SERGEF: variants seen among roughly 807,000 people sequenced by gnomAD.
SERGEF encodes the protein secretion-regulating guanine nucleotide exchange factor.
SERGEF carries 51 observed loss-of-function variants against 50.0 expected under a neutral mutation model. The ratio of observed to expected loss-of-function variants is 1.02; its 90% CI spans 0.81 to 1.29. SERGEF has a LOEUF of 1.29. Among genes scored for constraint, SERGEF ranks in the 50% most tolerant of loss-of-function variants. The pLI, the probability that SERGEF is intolerant of heterozygous loss-of-function variation, is 0.00. For missense variants in SERGEF, 521 were observed against 557.0 expected, an observed-to-expected ratio of 0.94 and a Z score of 0.65; for synonymous variants, 205 against 212.4, an observed-to-expected ratio of 0.97 and a Z score of 0.30.
chr11:17,954,667 T>A (rs1338488180), intron 9 of SERGEF, among the ~76,000 whole-genome samples: 2 of 152,250 alleles, frequency 1.3e-5, no homozygotes, highest in African/African-American at 4.8e-5. Context: ...CCACATTTCC[T>A]GCTCCTGCTC....
chr11:17,922,599 T>C lies in SERGEF; in HGVS notation c.1011+36871A>G, dbSNP rs369703803. Among the ~76,000 whole-genome samples the C allele has an allele frequency of 6.6e-5, 10 of 152,120 alleles. No homozygotes were observed. The East Asian group carries it at 1.9e-3, about 29-fold the overall frequency. On this transcript the variant is annotated intron_variant, in intron 9 of 10. Transcript: ENST00000265965. ...TGGCGTACTATGTGGTACTCAGGAG[T>C]TTACTCAATTGTCTCCACTGGGGGT...
intron 9 of SERGEF, among the ~76,000 whole-genome samples, chr11:17,933,333 T>A (rs538416072): frequency 6.6e-6 from 1 of 152,192 alleles, no homozygotes; most frequent in East Asian, 1.9e-4. Context: ...CTAGTCCTCA[T>A]TGATCTTATT....
At chr11:17,805,758 T>C (rs1166057767) in intron 10 of SERGEF, among the ~76,000 whole-genome samples, 1 of 152,210 alleles carries the variant, frequency 6.6e-6, no homozygotes, top group African/African-American at 2.4e-5. Context: ...CTTCCTGCTC[T>C]CCTGTGTGTG....
chr11:17,851,196 G>A (rs1207675884), intron 10 of SERGEF, among the ~76,000 whole-genome samples: 2 of 152,102 alleles, frequency 1.3e-5, no homozygotes, highest in Non-Finnish European at 2.9e-5. Flanking sequence ...TTACAGTCCT[G>A]TGAGACGGGT....
At chr11:17,876,441 C>A (rs73426256) in intron 10 of SERGEF, among the ~76,000 whole-genome samples, 2 of 152,190 alleles carry the variant, frequency 1.3e-5, no homozygotes, top group African/African-American at 4.8e-5. Flanking sequence ...TCTCCCCTCC[C>A]GCTACCCAAC....
chr11:17,894,410 C>T (rs912983081), intron 9 of SERGEF, among the ~76,000 whole-genome samples: 1 of 152,170 alleles, frequency 6.6e-6, no homozygotes, highest in African/African-American at 2.4e-5. Flanking sequence ...TGGTTAAATA[C>T]CTTGACTAAA....
intron 10 of SERGEF, among the ~76,000 whole-genome samples, chr11:17,829,101 A>T (rs1850250750): frequency 6.6e-6 from 1 of 152,248 alleles, no homozygotes; most frequent in Non-Finnish European, 1.5e-5. Context: ...TGGCACAAAG[A>T]AACCTAGTAG....
At chr11:17,896,736 C>T (rs1421306016) in intron 9 of SERGEF, among the ~76,000 whole-genome samples, 3 of 82,480 alleles carry the variant, frequency 3.6e-5, no homozygotes, top group African/African-American at 1.4e-4. Context: ...GGAAGGGTAA[C>T]GGAAGGGTAA....
At chr11:17,934,861 T>C (rs1045640741) in intron 9 of SERGEF, among the ~76,000 whole-genome samples, 2 of 152,226 alleles carry the variant, frequency 1.3e-5, no homozygotes, top group African/African-American at 4.8e-5. Context: ...ACATCTTTTT[T>C]TCATTATTCA....
intron 9 of SERGEF, among the ~76,000 whole-genome samples, chr11:17,954,097 T>C (rs1459169883): frequency 1.3e-5 from 2 of 152,170 alleles, no homozygotes; most frequent in Non-Finnish European, 2.9e-5. Flanking sequence ...CCTGGGCCCA[T>C]GGTCTCAGAG....
chr11:17,903,923 T>A (rs1233479499), intron 9 of SERGEF, among the ~76,000 whole-genome samples: 3 of 152,228 alleles, frequency 2.0e-5, no homozygotes, highest in Non-Finnish European at 4.4e-5. Flanking sequence ...GTAACAGCCA[T>A]CAACTATGAA....
At chr11:17,977,270 T>C (rs536183558) in intron 8 of SERGEF, among the ~76,000 whole-genome samples, 14 of 152,258 alleles carry the variant, frequency 9.2e-5, no homozygotes, top group African/African-American at 3.1e-4. Flanking sequence ...AAAACTGCTA[T>C]AATGAAAAAT....
intron 10 of SERGEF, among the ~76,000 whole-genome samples, chr11:17,811,762 T>C (rs964118125): frequency 3.3e-5 from 5 of 152,208 alleles, no homozygotes; most frequent in African/African-American, 1.2e-4. Context: ...TTATAAAGAT[T>C]GGAAGAGAAA....
chr11:17,918,838 TG>T (rs149327260), intron 9 of SERGEF: 135 of 382,714 alleles, frequency 3.5e-4, no homozygotes, highest in African/African-American at 2.8e-3. Context: ...GGGAAGAGTG[TG>T]AGCAAAGGTA....
At chr11:17,916,035 G>T (rs531454542) in intron 9 of SERGEF, among the ~76,000 whole-genome samples, 1 of 152,314 alleles carries the variant, frequency 6.6e-6, no homozygotes, top group South Asian at 2.1e-4. Flanking sequence ...CTGGCCTGAA[G>T]ACAAGCAAGT....
intron 10 of SERGEF, among the ~76,000 whole-genome samples, chr11:17,798,020 T>C (rs776255669): frequency 6.6e-6 from 1 of 151,880 alleles, no homozygotes. Flanking sequence ...TATGGAAGTG[T>C]GTAAGAAAGA....
chr11:17,851,868 T>C (rs1850721787), intron 10 of SERGEF, among the ~76,000 whole-genome samples: 1 of 152,214 alleles, frequency 6.6e-6, no homozygotes, highest in Admixed American at 6.5e-5. Context: ...CCACCCCCAC[T>C]GCTTACACAG....
chr11:17,947,371 C>G (rs190481601), intron 9 of SERGEF, among the ~76,000 whole-genome samples: 1 of 152,192 alleles, frequency 6.6e-6, no homozygotes, highest in Non-Finnish European at 1.5e-5. Flanking sequence ...ACTCATACTT[C>G]CCGCCACTGT....
chr11:17,922,205 G>A (rs550805637), intron 9 of SERGEF, among the ~76,000 whole-genome samples: 3 of 152,282 alleles, frequency 2.0e-5, no homozygotes, highest in South Asian at 2.1e-4. Context: ...TCCTGTCTAC[G>A]AAGGACAAAC....
Sources: allele counts gnomAD v4.1 joint callset (sites outside exome capture counted in the v4.1 genomes callset), GRCh38; gene constraint gnomAD v4.1.1; transcripts MANE v1.5; gene names NCBI Gene and HGNC (gene_info 2026-07-23, HGNC 2026-07-21).